AKAP11: variants seen among roughly 807,000 people sequenced by gnomAD.
AKAP11 encodes A-kinase anchoring protein 11, also known as A-kinase anchor protein 11.
Under a neutral mutation model 146.1 loss-of-function variants are expected in AKAP11, and 36 were observed. That is an observed-to-expected ratio of 0.25 (90% confidence interval 0.19 to 0.33). The LOEUF (loss-of-function observed/expected upper bound fraction) is 0.33, where lower values mean the gene tolerates loss of function less well. AKAP11 is among the 10% of genes least tolerant of loss of function. The probability of loss-of-function intolerance (pLI) is 1.00; values close to 1 mark genes in which losing one functional copy is unlikely to be tolerated. For missense variants in AKAP11, 2,201 were observed against 2,197.0 expected (o/e 1.00, Z -0.04); for synonymous variants, 780 against 786.5 (o/e 0.99, Z 0.14).
At chr13:42,280,401 T>C (rs1258063115) in intron 1 of AKAP11, among the ~76,000 whole-genome samples, 2 of 152,224 alleles carry the variant, frequency 1.3e-5, no homozygotes, top group Non-Finnish European at 2.9e-5. Context: ...TACTATAAAG[T>C]AGAAATTATT....
At chr13:42,310,437 C>T (rs988304023) in intron 9 of AKAP11, among the ~76,000 whole-genome samples, 4 of 152,194 alleles carry the variant, frequency 2.6e-5, no homozygotes, top group Non-Finnish European at 5.9e-5. Flanking sequence ...GATTTCAGTG[C>T]AGGTGATTCA....
At chr13:42,315,834 A>T (rs1960793594) in intron 11 of AKAP11, among the ~76,000 whole-genome samples, 2 of 152,326 alleles carry the variant, frequency 1.3e-5, no homozygotes, top group African/African-American at 4.8e-5. Flanking sequence ...AAATTATGGA[A>T]ATCCCAAGGC....
At chr13:42,275,875 G>T (rs749766808) in intron 1 of AKAP11, among the ~76,000 whole-genome samples, 2 of 152,172 alleles carry the variant, frequency 1.3e-5, no homozygotes, top group Non-Finnish European at 1.5e-5. Flanking sequence ...ATACCGTGTG[G>T]CAGGTACTGT....
intron 8 of AKAP11, among the ~76,000 whole-genome samples, chr13:42,305,352 T>G (rs988348391): frequency 6.6e-6 from 1 of 152,152 alleles, no homozygotes; most frequent in African/African-American, 2.4e-5. Flanking sequence ...TAGCGTCTAC[T>G]TGAGATGAGA....
intron 1 of AKAP11, among the ~76,000 whole-genome samples, chr13:42,285,437 G>A (rs1959149738): frequency 6.6e-6 from 1 of 152,156 alleles, no homozygotes; most frequent in Non-Finnish European, 1.5e-5. Flanking sequence ...TTTAAAAAAA[G>A]TATTTAGTTC....
At chr13:42,292,654 G>GA (rs141728219) in intron 4 of AKAP11, among the ~76,000 whole-genome samples, 153 bp downstream of exon 4, 1 of 151,554 alleles carries the variant, frequency 6.6e-6, no homozygotes, top group African/African-American at 2.4e-5. Flanking sequence ...CGGGAGAGGG[G>GA]AAAAAAAAGA....
In AKAP11 at chr13:42,274,849, T is replaced by G. The variant is rs571954602; in HGVS notation, c.-100+2621T>G. On this transcript the variant is annotated intron_variant, in intron 1 of 12. Transcript: ENST00000025301. Reference sequence around the variant, plus strand: ...TGGAACAGAGAGGATGTTACTTGACTGAAAATGAGGTATATTGTAAAGAGT... The same window carrying G: ...TGGAACAGAGAGGATGTTACTTGACGGAAAATGAGGTATATTGTAAAGAGT... Among the ~76,000 whole-genome samples the G allele has an allele frequency of 1.6e-3, 238 of 152,370 alleles. 2 individuals carry two copies. In the South Asian group the frequency reaches 0.02, roughly 13 times the overall value.
chr13:42,301,954 C>A lies in AKAP11; in HGVS notation c.3208C>A (p.His1070Asn), dbSNP rs780546342. 1 of 1,614,178 alleles carries A rather than the reference C, an allele frequency of 6.2e-7. No homozygotes were observed. Among genetic ancestry groups the A allele is most frequent in the South Asian group, 1.1e-5 (1 of 91,084 alleles). Reference sequence around the variant, plus strand: ...ACAGGAAAACCCCTTTCCTCATTCACATACTTTCTCATCTACAGCACTTAC... The same window carrying A: ...ACAGGAAAACCCCTTTCCTCATTCAAATACTTTCTCATCTACAGCACTTAC... Reference protein sequence around the residue: ...FGQENPFPHSHTFSSTALTCV... With the variant: ...FGQENPFPHSNTFSSTALTCV... Residue 1070 changes from histidine to asparagine, a missense_variant, in exon 8 of 13, where the codon CAT becomes AAT. His to Asn is a moderately conservative substitution (Grantham distance 68). Coordinates refer to ENST00000025301, the MANE Select transcript of AKAP11 (RefSeq NM_016248.4).
chr13:42,315,818 G>T (rs896130927), intron 11 of AKAP11, among the ~76,000 whole-genome samples: 5 of 152,140 alleles, frequency 3.3e-5, no homozygotes, highest in Admixed American at 1.3e-4. Flanking sequence ...TTTATAGAAA[G>T]ATTCAAAATT....
intron 6 of AKAP11, among the ~76,000 whole-genome samples, chr13:42,298,237 A>G (rs1222862486): frequency 6.6e-6 from 1 of 152,150 alleles, no homozygotes; most frequent in East Asian, 1.9e-4. Context: ...AGGGCTGTAC[A>G]GTAATACAGG....
rs1304007604 is a variant in AKAP11, at chr13:42,303,183, C to A, written c.4437C>A (p.Gly1479=). Reference sequence around the variant, plus strand: ...AAGAGTTGACAGCCTCTCTAGTTGGCCTACCAAAATCCTTAACAGATTCTT... The same window carrying A: ...AAGAGTTGACAGCCTCTCTAGTTGGACTACCAAAATCCTTAACAGATTCTT... ...AKEELTASLV[G]LPKSLTDSCL... Residue 1479 remains glycine, a synonymous_variant, in exon 8 of 13, where the codon GGC becomes GGA. Coordinates refer to ENST00000025301, the MANE Select transcript of AKAP11 (RefSeq NM_016248.4). The A allele has an allele frequency of 5.6e-6, 9 of 1,614,022 alleles. No homozygotes were observed. The highest frequency in any genetic ancestry group is 1.3e-5 in the African/African-American group (1 of 74,912).
intron 8 of AKAP11, among the ~76,000 whole-genome samples, chr13:42,307,670 G>A (rs1960336065): frequency 6.6e-6 from 1 of 151,904 alleles, no homozygotes; most frequent in African/African-American, 2.4e-5. Context: ...GGGAGGAGTG[G>A]GCCAGGGAGA....
Position 42,297,183 on chromosome 13 carries a change from G to A in AKAP11, c.351+1G>A. On this transcript the variant is annotated splice_donor_variant, in intron 6 of 12. Coordinates refer to ENST00000025301, the MANE Select transcript of AKAP11 (RefSeq NM_016248.4). LOFTEE classifies it high-confidence loss of function. ...TATAAGCAGTGATCCTCTAAATCAG[G>A]TAACTTTTGTAGATAATTTCTAATG... 1 of 1,424,354 alleles carries A rather than the reference G, an allele frequency of 7.0e-7. No homozygotes were observed. Among genetic ancestry groups the A allele is most frequent in the Non-Finnish European group, 9.3e-7 (1 of 1,073,302 alleles). 88.2% of individuals were successfully genotyped at this position (1,424,354 alleles called of 1,614,324 possible).
At position 42,321,806 on chromosome 13, in the gene AKAP11, C is replaced by G. The variant is rs1215529610; in HGVS notation, c.*2578C>G. On this transcript the variant is annotated 3_prime_UTR_variant, in exon 13 of 13. Transcript: ENST00000025301. Reference sequence around the variant, plus strand: ...AATATTGCTGTGCTGTACATTTTGGCCCTTACGAAATACGTCTTTTTCAGA... The same window carrying G: ...AATATTGCTGTGCTGTACATTTTGGGCCTTACGAAATACGTCTTTTTCAGA... 6.6e-6 allele frequency: 1 copy of G among 152,214 alleles called. No individual in the cohort carries two copies. The highest frequency in any genetic ancestry group is 1.9e-4 in the East Asian group (1 of 5,342). 9.4% of individuals were successfully genotyped at this position (152,214 alleles called of 1,614,324 possible).
Position 42,298,704 on chromosome 13 carries a change from G to T in AKAP11, c.523G>T (p.Asp175Tyr), listed in dbSNP as rs1198959390. ...TGAGACCACTGATGAAGATGATGAT[G>T]ATACTAACCAGTCTGTGTCATCCAT... Reference protein sequence around the residue: ...QLETTDEDDDDTNQSVSSIED... With the variant: ...QLETTDEDDDYTNQSVSSIED... The change falls in exon 7 of 13, where the codon GAT becomes TAT. Residue 175 changes from aspartate (D) to tyrosine (Y), a missense_variant. By Grantham distance (160) the Asp-to-Tyr change is radical (BLOSUM62 -3). Transcript: ENST00000025301. 1.2e-6 allele frequency: 2 copies of T among 1,610,296 alleles called. No homozygotes were observed. Among genetic ancestry groups the T allele is most frequent in the Admixed American group, 3.4e-5 (2 of 58,876 alleles).
chr13:42,305,442 T>C (rs931224842), intron 8 of AKAP11, among the ~76,000 whole-genome samples: 3 of 152,128 alleles, frequency 2.0e-5, no homozygotes, highest in Non-Finnish European at 2.9e-5. Context: ...AGACCAGGGG[T>C]TGGCAAACTA....
chr13:42,303,849 G>C lies in AKAP11; in HGVS notation c.5103G>C (p.Gly1701=). The part of the protein sequence containing the change: ...ETMTAAVTNV[G]HAVSSSKEIE... Reference sequence around the variant, plus strand: ...TGACAGCAGCTGTCACAAATGTTGGGCATGCTGTTAGCAGGTAAGTTTCAC... The same window carrying C: ...TGACAGCAGCTGTCACAAATGTTGGCCATGCTGTTAGCAGGTAAGTTTCAC... Residue 1701 remains glycine (G), a synonymous_variant, in exon 8 of 13, where the codon GGG becomes GGC. Coordinates refer to ENST00000025301, the MANE Select transcript of AKAP11 (RefSeq NM_016248.4). The C allele has an allele frequency of 6.3e-7, 1 of 1,579,474 alleles. No individual in the cohort carries two copies. Among genetic ancestry groups the C allele is most frequent in the Non-Finnish European group, 8.6e-7 (1 of 1,164,518 alleles).
intron 8 of AKAP11, among the ~76,000 whole-genome samples, chr13:42,308,028 A>G (rs1017165102): frequency 3.9e-5 from 6 of 152,240 alleles, no homozygotes; most frequent in African/African-American, 7.2e-5. Flanking sequence ...TTGGTTGACA[A>G]TACTAGAATT....
At position 42,302,066 on chromosome 13, in the gene AKAP11, T is replaced by TACC. The variant is rs752734994; in HGVS notation, c.3322_3324dup (p.Pro1108dup). Reference sequence around the variant, plus strand: ...GATACTCCTCCATCAACTCCTCTAGTACCATCCCGGGCTAGTTCTGAATGG... The same window carrying TACC: ...GATACTCCTCCATCAACTCCTCTAGTACCACCATCCCGGGCTAGTTCTGAATGG... On this transcript the variant is annotated inframe_insertion, in exon 8 of 13. Coordinates refer to ENST00000025301, the MANE Select transcript of AKAP11 (RefSeq NM_016248.4). 22 of 1,614,036 alleles carry TACC rather than the reference T, an allele frequency of 1.4e-5. No individual in the cohort carries two copies. The highest frequency in any genetic ancestry group is 1.8e-5 in the Non-Finnish European group (21 of 1,180,014).
Sources: gnomAD v4.1 joint callset for allele counts (sites outside exome capture counted in the v4.1 genomes callset) on GRCh38, gnomAD v4.1.1 for gene constraint, MANE v1.5 for transcripts, NCBI Gene and HGNC (gene_info 2026-07-23, HGNC 2026-07-21) for gene names.